The following TLCD4 variants were observed in gnomAD, a reference collection of about 807,000 sequenced individuals.
The protein encoded by TLCD4 is TLC domain-containing protein 4.
Under a neutral mutation model 24.2 loss-of-function variants are expected in TLCD4, and 7 were observed. The ratio of observed to expected loss-of-function variants is 0.29; its 90% CI spans 0.16 to 0.54. The LOEUF (loss-of-function observed/expected upper bound fraction) is 0.54, where lower values mean the gene tolerates loss of function less well. Among genes scored for constraint, TLCD4 ranks in the 20% least tolerant of loss-of-function variants. The pLI, the probability that TLCD4 is intolerant of heterozygous loss-of-function variation, is 0.95. For missense variants in TLCD4, 259 were observed against 313.9 expected (o/e 0.82, Z 1.32); for synonymous variants, 103 against 106.4 (o/e 0.97, Z 0.20).
chr1:95,168,786 A>G (rs1678110497), intron 5 of TLCD4, among the ~76,000 whole-genome samples: 2 of 152,154 alleles, frequency 1.3e-5, no homozygotes, highest in Admixed American at 1.3e-4. Flanking sequence ...TGAGAAGGCA[A>G]GGTTCAACTC....
intron 5 of TLCD4, among the ~76,000 whole-genome samples, chr1:95,166,907 AT>A (rs917034262): frequency 2.9e-4 from 44 of 150,716 alleles, no homozygotes; most frequent in Admixed American, 1.6e-3. Context: ...TAAAAAAAAA[AT>A]TTTTTTTGTA....
chr1:95,162,590 A>C (rs1046500609), intron 5 of TLCD4, among the ~76,000 whole-genome samples: 7 of 152,170 alleles, frequency 4.6e-5, no homozygotes, highest in Non-Finnish European at 1.0e-4. Flanking sequence ...CAGTTTCTTC[A>C]TAGCATCGAT....
intron 5 of TLCD4, among the ~76,000 whole-genome samples, chr1:95,165,548 C>T (rs1677989263): frequency 6.6e-6 from 1 of 151,510 alleles, no homozygotes; most frequent in South Asian, 2.1e-4. Context: ...TCACTGCAAC[C>T]TCCACTTCCC....
At chr1:95,110,071 T>C in the TLCD4 span, among the ~76,000 whole-genome samples, 1 of 150,104 alleles carries the variant, frequency 6.7e-6, no homozygotes, top group East Asian at 1.9e-4. Flanking sequence ...TACACGTACA[T>C]GTGAGGATAT....
At chr1:95,155,593 G>C (rs1227678971) in intron 5 of TLCD4, among the ~76,000 whole-genome samples, 1 of 151,946 alleles carries the variant, frequency 6.6e-6, no homozygotes, top group Non-Finnish European at 1.5e-5. Flanking sequence ...TTATCTAATG[G>C]CCACCTATGC....
intron 5 of TLCD4, among the ~76,000 whole-genome samples, chr1:95,171,160 C>T (rs376776385): frequency 1.3e-5 from 2 of 151,996 alleles, no homozygotes; most frequent in South Asian, 4.2e-4. Context: ...TATGTTTGCC[C>T]AAGCTGGTCT....
chr1:95,163,504 A>G (rs1469534831), intron 5 of TLCD4: 3 of 152,078 alleles, frequency 2.0e-5, no homozygotes, highest in African/African-American at 7.2e-5. Context: ...TCTTCTCTCA[A>G]CTTGTCAAAG....
rs746958458 is a variant in TLCD4, at chr1:95,173,836, C to T, written c.420C>T (p.Tyr140=). 2.5e-5 allele frequency: 41 copies of T among 1,614,000 alleles called. No individual in the cohort carries two copies. Among genetic ancestry groups the T allele is most frequent in the Non-Finnish European group, 3.5e-5 (41 of 1,180,030 alleles). The change falls in exon 6 of 7, where the codon TAC becomes TAT. Residue 140 remains tyrosine (Y), a synonymous_variant. Transcript: ENST00000370203. ...YLVLKNGVLA[Y]IGNFRLLAEL... ...TTCAGAAAAATGGAGTGCTGGCATACATTGGGAATTTTCGCCTGCTTGCAG... is the reference window on the plus strand; with the variant it reads ...TTCAGAAAAATGGAGTGCTGGCATATATTGGGAATTTTCGCCTGCTTGCAG...
At chr1:95,164,480 C>G (rs940615719) in intron 5 of TLCD4, 2 of 152,248 alleles carry the variant, frequency 1.3e-5, no homozygotes, top group African/African-American at 4.8e-5. Flanking sequence ...TGCTTCGGCT[C>G]ACACTCTGTG....
At chr1:95,109,964 C>A in the TLCD4 span, among the ~76,000 whole-genome samples, 1 of 131,654 alleles carries the variant, frequency 7.6e-6, no homozygotes, top group East Asian at 2.3e-4. Context: ...TATATACACA[C>A]ACACAAACAA....
rs1011843120 is a variant in TLCD4, at chr1:95,195,831, T to A, written c.*3963T>A. 1 of 152,208 alleles carries A rather than the reference T, an allele frequency of 6.6e-6. No homozygotes were observed. The highest frequency in any genetic ancestry group is 6.5e-5 in the Admixed American group (1 of 15,278). 9.4% of individuals were successfully genotyped at this position (152,208 alleles called of 1,614,324 possible). ...CCTTAAACGCCGTGATAGTCCTCCCTTGATCTAGAAGTATTCTCTTTGAAT... is the reference window on the plus strand; with the variant it reads ...CCTTAAACGCCGTGATAGTCCTCCCATGATCTAGAAGTATTCTCTTTGAAT... On this transcript the variant is annotated 3_prime_UTR_variant, in exon 7 of 7. Coordinates refer to ENST00000370203, the MANE Select transcript of TLCD4 (RefSeq NM_152487.3).
At position 95,195,522 on chromosome 1, in the gene TLCD4, C is replaced by A. The variant is rs569086885; in HGVS notation, c.*3654C>A. 62 of 152,220 alleles carry A rather than the reference C, an allele frequency of 4.1e-4. No individual in the cohort carries two copies. Among genetic ancestry groups the A allele is most frequent in the African/African-American group, 1.4e-3 (57 of 41,544 alleles). The allele number at this position is 152,220 out of a possible 1,614,324, so 9.4% of individuals were successfully genotyped here. ...TCATGTATTGACATCATCAATAATA[C>A]TTCATAAAGGTTTATGTATTTTTAT... On this transcript the variant is annotated 3_prime_UTR_variant, in exon 7 of 7. Transcript: ENST00000370203.
chr1:95,149,400 T>G (rs768976370), intron 3 of TLCD4, among the ~76,000 whole-genome samples: 2 of 152,196 alleles, frequency 1.3e-5, no homozygotes, highest in Non-Finnish European at 2.9e-5. Flanking sequence ...CAGCTTAGTT[T>G]GAGAGAGCAG....
intron 5 of TLCD4, among the ~76,000 whole-genome samples, chr1:95,158,165 C>T (rs1346723688): frequency 6.6e-6 from 1 of 150,686 alleles, no homozygotes; most frequent in African/African-American, 2.4e-5. Flanking sequence ...GGTCCTATAG[C>T]ACCCCTTGAT....
At chr1:95,121,119 A>C (rs1449342256) in intron 1 of TLCD4, 1 of 152,250 alleles carries the variant, frequency 6.6e-6, no homozygotes, top group East Asian at 1.9e-4. Flanking sequence ...CACCAGTTCT[A>C]CTTACTTCAA....
intron 1 of TLCD4, among the ~76,000 whole-genome samples, chr1:95,143,177 G>T (rs1430611010): frequency 1.3e-5 from 2 of 152,232 alleles, no homozygotes; most frequent in Middle Eastern, 3.4e-3. Context: ...TGAGGGAGGG[G>T]TTTTCAAAGC....
the TLCD4 span, among the ~76,000 whole-genome samples, chr1:95,108,634 A>G: frequency 1.3e-5 from 2 of 152,152 alleles, no homozygotes; most frequent in African/African-American, 4.8e-5. Flanking sequence ...TTTGTAATAC[A>G]TTTGTATATT....
At position 95,192,611 on chromosome 1, in the gene TLCD4, G is replaced by A. The variant is rs1439597395; in HGVS notation, c.*743G>A. ...TATGCACTCTTTTCTTACTATGGCT[G>A]TCAACACTTGTGTAGGGTTTAATTT... is the stretch of plus-strand genomic sequence containing the variant. On this transcript the variant is annotated 3_prime_UTR_variant, in exon 7 of 7. Transcript: ENST00000370203. 1 of 152,154 alleles carries A rather than the reference G, an allele frequency of 6.6e-6. No individual in the cohort carries two copies. The allele number at this position is 152,154 out of a possible 1,614,324, so 9.4% of individuals were successfully genotyped here. A position where few individuals can be genotyped will look rare whatever the true frequency, so the allele number is the denominator to read the frequency against.
At chr1:95,167,810 C>T (rs1445388215) in intron 5 of TLCD4, among the ~76,000 whole-genome samples, 3 of 152,106 alleles carry the variant, frequency 2.0e-5, no homozygotes, top group Non-Finnish European at 4.4e-5. Context: ...CTTAATGTAA[C>T]GCTCCCTTTC....
Sources: allele counts gnomAD v4.1 joint callset (sites outside exome capture counted in the v4.1 genomes callset), GRCh38; gene constraint gnomAD v4.1.1; transcripts MANE v1.5; gene names NCBI Gene and HGNC (gene_info 2026-07-23, HGNC 2026-07-21).